OCA2: variants seen among roughly 807,000 people sequenced by gnomAD.
OCA2 encodes P protein.
In OCA2, 77 loss-of-function variants were observed where a neutral mutation model predicts 100.2. That is an observed-to-expected ratio of 0.77 (90% CI 0.64 to 0.93). The LOEUF is 0.93. OCA2 is among the 40% of genes least tolerant of loss of function. The pLI is 0.00. For synonymous variants in OCA2, 432 were observed against 439.2 expected (o/e 0.98, Z 0.21); for missense variants, 1,062 against 1,089.1 (o/e 0.98, Z 0.35).
chr15:27,741,112 C>T, the OCA2 span, among the ~76,000 whole-genome samples: 1 of 152,302 alleles, frequency 6.6e-6, no homozygotes, highest in Non-Finnish European at 1.5e-5. Context: ...CTGCTTACGG[C>T]GGAGGCCTCT....
intron 19 of OCA2, among the ~76,000 whole-genome samples, chr15:27,917,301 T>C (rs1418276012): frequency 6.6e-6 from 1 of 152,128 alleles, no homozygotes; most frequent in Non-Finnish European, 1.5e-5. Context: ...ACAAGCAGCG[T>C]GATTAATATT....
At chr15:28,096,768 G>T (rs1299893873) in intron 1 of OCA2, among the ~76,000 whole-genome samples, 2 of 152,178 alleles carry the variant, frequency 1.3e-5, no homozygotes, top group Non-Finnish European at 1.5e-5. Context: ...TCCAGCCTGG[G>T]AGGAGGGGCG....
Position 27,831,284 on chromosome 15 carries a change from C to CAAAAAAAAAAAAAAAAAAAAAAAAAAAAA in OCA2, c.2432+13674_2432+13675insTTTTTTTTTTTTTTTTTTTTTTTTTTTTT, listed in dbSNP as rs71132824. Among the ~76,000 whole-genome samples, 3 of 62,618 alleles carry CAAAAAAAAAAAAAAAAAAAAAAAAAAAAA rather than the reference C, an allele frequency of 4.8e-5. 1 individual carries two copies. The highest frequency in any genetic ancestry group is 8.5e-5 in the Non-Finnish European group (3 of 35,368). 41.1% of individuals were successfully genotyped at this position (62,618 alleles called of 152,430 possible). On this transcript the variant is annotated intron_variant, in intron 23 of 23. Coordinates refer to ENST00000354638, the MANE Select transcript of OCA2 (RefSeq NM_000275.3). ...CTGGTGACAGAGCGAGACTCCGTCT[C>CAAAAAAAAAAAAAAAAAAAAAAAAAAAAA]AAAAAAAAAAAAAAAAAAAAAATCG...
chr15:27,905,056 C>T (rs1446939991), intron 19 of OCA2, among the ~76,000 whole-genome samples: 4 of 150,820 alleles, frequency 2.7e-5, no homozygotes, highest in Admixed American at 6.6e-5. Flanking sequence ...CCCAACTACT[C>T]GGGAGGCTGA....
rs2031884610 is a variant in OCA2, at chr15:27,771,737, T to A, written c.2433-16265A>T. Among the ~76,000 whole-genome samples, 3 of 152,362 alleles carry A rather than the reference T, an allele frequency of 2.0e-5. No homozygotes were observed. In the South Asian group the frequency reaches 6.2e-4, roughly 32 times the overall value. ...GTAATCGTCTGACTTTAATCTTCTT[T>A]ACCTCTGCTACTGTATTCCCTTTTT... On this transcript the variant is annotated intron_variant, in intron 23 of 23. Transcript: ENST00000354638.
intron 21 of OCA2, among the ~76,000 whole-genome samples, chr15:27,865,066 A>G (rs1447950672): frequency 6.6e-6 from 1 of 151,986 alleles, no homozygotes; most frequent in Non-Finnish European, 1.5e-5. Context: ...AACAGAGTTC[A>G]CCTGTTGCTC....
At position 27,899,261 on chromosome 15, in the gene OCA2, T is replaced by C. The variant is rs529324706; in HGVS notation, c.2079+26866A>G. 5.9e-5 allele frequency among the ~76,000 whole-genome samples: 9 copies of C among 152,274 alleles called. No individual in the cohort carries two copies. The East Asian group carries it at 1.5e-3, about 26-fold the overall frequency. The stretch of plus-strand genomic sequence containing the variant: ...AGTTTAGATTTCTGACCTCCAAAAA[T>C]GTAAAAGAATAAATTCGGGTTAAGC... On this transcript the variant is annotated intron_variant, in intron 19 of 23. Transcript: ENST00000354638.
chr15:27,809,602 T>G (rs75419839), intron 23 of OCA2, among the ~76,000 whole-genome samples: 23 of 152,300 alleles, frequency 1.5e-4, no homozygotes, highest in African/African-American at 5.3e-4. Flanking sequence ...GAAGATATGA[T>G]AGTATACCTA....
chr15:27,922,739 C>T (rs1360839370), intron 19 of OCA2, among the ~76,000 whole-genome samples: 2 of 148,206 alleles, frequency 1.3e-5, no homozygotes, highest in African/African-American at 5.0e-5. Context: ...GTTTGTTTCT[C>T]CCATGTGCTT....
chr15:27,813,375 AC>A (rs2034156407), intron 23 of OCA2, among the ~76,000 whole-genome samples: 1 of 151,652 alleles, frequency 6.6e-6, no homozygotes, highest in African/African-American at 2.4e-5. Context: ...CTTCACTGGC[AC>A]CCCCCATATA....
At chr15:27,809,384 A>G (rs1036481230) in intron 23 of OCA2, among the ~76,000 whole-genome samples, 2 of 152,192 alleles carry the variant, frequency 1.3e-5, no homozygotes, top group Non-Finnish European at 2.9e-5. Context: ...AATTAATAAA[A>G]GCGATATATG....
intron 23 of OCA2, among the ~76,000 whole-genome samples, chr15:27,816,405 G>A (rs1441403892): frequency 6.6e-6 from 1 of 152,160 alleles, no homozygotes; most frequent in African/African-American, 2.4e-5. Flanking sequence ...TACAAGTTGT[G>A]TTTTCAGATA....
chr15:27,773,829 G>A (rs1347849808), intron 23 of OCA2, among the ~76,000 whole-genome samples: 1 of 152,160 alleles, frequency 6.6e-6, no homozygotes, highest in African/African-American at 2.4e-5. Flanking sequence ...TTCAGGAGTT[G>A]GATACCCAGG....
chr15:27,824,602 C>CTCTATATATATATATA, intron 23 of OCA2, among the ~76,000 whole-genome samples: 9 of 47,594 alleles, frequency 1.9e-4, no homozygotes, highest in Non-Finnish European at 2.8e-4. Context: ...CTCTCTCTCT[C>CTCTATATATATATATA]TATATATATA....
At chr15:27,869,926 T>C (rs1283631687) in intron 21 of OCA2, among the ~76,000 whole-genome samples, 1 of 152,142 alleles carries the variant, frequency 6.6e-6, no homozygotes, top group Non-Finnish European at 1.5e-5. Flanking sequence ...GCAAGAGTTC[T>C]CCAATTTGGA....
intron 19 of OCA2, among the ~76,000 whole-genome samples, chr15:27,894,679 G>T (rs1037119358): frequency 1.3e-5 from 2 of 152,188 alleles, no homozygotes; most frequent in African/African-American, 2.4e-5. Flanking sequence ...TATTGACTCT[G>T]CACCTTGAAG....
At chr15:28,068,055 T>C (rs1381975834) in intron 2 of OCA2, among the ~76,000 whole-genome samples, 1 of 152,266 alleles carries the variant, frequency 6.6e-6, no homozygotes, top group Non-Finnish European at 1.5e-5. Flanking sequence ...AGGTTTCTGG[T>C]TGGATTGTAT....
In OCA2 at chr15:27,755,329, A is replaced by C; in HGVS notation, c.*59T>G. On this transcript the variant is annotated 3_prime_UTR_variant, in exon 24 of 24. Transcript: ENST00000354638. The stretch of plus-strand genomic sequence containing the variant: ...ACAGTGGGGTCAGGGTAGTTTTATG[A>C]CTAATGGGTTGTGATGGATGAAGTT... The C allele has an allele frequency of 7.7e-7, 1 of 1,306,634 alleles. No homozygotes were observed. Among genetic ancestry groups the C allele is most frequent in the Non-Finnish European group, 1.1e-6 (1 of 900,568 alleles). 80.9% of individuals were successfully genotyped at this position (1,306,634 alleles called of 1,614,324 possible).
At chr15:28,042,820 G>T (rs2043244331) in intron 2 of OCA2, among the ~76,000 whole-genome samples, 1 of 152,066 alleles carries the variant, frequency 6.6e-6, no homozygotes, top group Non-Finnish European at 1.5e-5. Context: ...AAAGAATGCA[G>T]TCTTTACAAG....
Sources: allele counts gnomAD v4.1 joint callset (sites outside exome capture counted in the v4.1 genomes callset), GRCh38; gene constraint gnomAD v4.1.1; transcripts MANE v1.5; gene names NCBI Gene and HGNC (gene_info 2026-07-23, HGNC 2026-07-21).